The following BACE2 variants were observed in gnomAD, a reference collection of about 807,000 sequenced individuals.
The protein encoded by BACE2 is beta-secretase 2.
In BACE2, 17 loss-of-function variants were observed where a neutral mutation model predicts 46.2. That is an observed-to-expected ratio of 0.37 (90% CI 0.25 to 0.55). The LOEUF (loss-of-function observed/expected upper bound fraction) is 0.55, where lower values mean the gene tolerates loss of function less well. BACE2 is among the 20% of genes least tolerant of loss of function. BACE2 has a pLI of 0.82. For missense variants in BACE2, 595 were observed against 698.1 expected, an observed-to-expected ratio of 0.85 and a Z score of 1.66; for synonymous variants, 277 against 295.9, an observed-to-expected ratio of 0.94 and a Z score of 0.66.
chr21:41,187,958 G>T (rs190287971), intron 1 of BACE2, among the ~76,000 whole-genome samples: 3 of 152,298 alleles, frequency 2.0e-5, no homozygotes, highest in Admixed American at 2.0e-4. Flanking sequence ...TTACTACGTA[G>T]TAGTTCCTTT....
chr21:41,216,855 T>A (rs1186212097), intron 1 of BACE2, among the ~76,000 whole-genome samples: 1 of 152,178 alleles, frequency 6.6e-6, no homozygotes, highest in African/African-American at 2.4e-5. Context: ...CAGAAATGGT[T>A]GTGAAACAGC....
intron 2 of BACE2, among the ~76,000 whole-genome samples, chr21:41,232,073 C>A (rs1202253919): frequency 1.5e-4 from 23 of 151,402 alleles, no homozygotes. Context: ...ACAAGGCTAG[C>A]CACAAGTCAC....
At chr21:41,201,390 G>A (rs1026890585) in intron 1 of BACE2, among the ~76,000 whole-genome samples, 4 of 152,246 alleles carry the variant, frequency 2.6e-5, no homozygotes, top group African/African-American at 9.6e-5. Flanking sequence ...GAACCTGAAA[G>A]TTATAGCTTC....
At chr21:41,249,684 C>G (rs2123616009) in intron 6 of BACE2, among the ~76,000 whole-genome samples, 1 of 152,314 alleles carries the variant, frequency 6.6e-6, no homozygotes, top group South Asian at 2.1e-4. Flanking sequence ...GGGGAAGCTC[C>G]CTGGACAGAC....
intron 1 of BACE2, among the ~76,000 whole-genome samples, chr21:41,221,852 G>A (rs1344408911): frequency 7.1e-6 from 1 of 141,180 alleles, no homozygotes; most frequent in Non-Finnish European, 1.5e-5. Flanking sequence ...AAAAAAAAAA[G>A]TGTCAGTGTC....
In BACE2 at chr21:41,226,364, G is replaced by C; in HGVS notation, c.401+10G>C. On this transcript the variant is annotated intron_variant, in intron 2 of 8. Transcript: ENST00000330333. Reference sequence around the variant, plus strand: ...ACTTTGACACAGAGAGGTAAGCGCTGGCCCCTTGGCTGGTGTGCTGGGCCG... The same window carrying C: ...ACTTTGACACAGAGAGGTAAGCGCTCGCCCCTTGGCTGGTGTGCTGGGCCG... 1 of 1,609,654 alleles carries C rather than the reference G, an allele frequency of 6.2e-7. No individual in the cohort carries two copies. Among genetic ancestry groups the C allele is most frequent in the Non-Finnish European group, 8.5e-7 (1 of 1,178,626 alleles).
In BACE2 at chr21:41,273,921, C is replaced by T. The variant is rs145760138; in HGVS notation, c.1304-1450C>T. ...CTGCCATGGCTTTGGCCAGTCCCTCCGTTCGGGGTCCCTGACTTCCCGCAA... is the reference window on the plus strand; with the variant it reads ...CTGCCATGGCTTTGGCCAGTCCCTCTGTTCGGGGTCCCTGACTTCCCGCAA... On this transcript the variant is annotated intron_variant, in intron 8 of 8. Transcript: ENST00000330333. 9.1e-3 allele frequency among the ~76,000 whole-genome samples: 1,387 copies of T among 152,330 alleles called. 9 individuals are homozygous for T. The highest frequency in any genetic ancestry group is 0.015 in the Admixed American group (225 of 15,296).
intron 1 of BACE2, chr21:41,179,733 A>C (rs1568857162): frequency 5.4e-6 from 6 of 1,111,128 alleles, no homozygotes; most frequent in Non-Finnish European, 7.3e-6. Flanking sequence ...AAAAAGGAGA[A>C]TCAAGCTGAG....
chr21:41,172,319 A>G (rs933671596), intron 1 of BACE2, among the ~76,000 whole-genome samples: 2 of 152,218 alleles, frequency 1.3e-5, no homozygotes, highest in Non-Finnish European at 2.9e-5. Flanking sequence ...AGTCTGAGAA[A>G]TAGTTTATAA....
At chr21:41,239,192 G>A (rs1249362693) in intron 3 of BACE2, among the ~76,000 whole-genome samples, 4 of 151,922 alleles carry the variant, frequency 2.6e-5, no homozygotes, top group African/African-American at 9.7e-5. Flanking sequence ...GATGGGGGTG[G>A]GGTGGGGAGG....
chr21:41,238,787 A>T (rs1447015553), intron 3 of BACE2, among the ~76,000 whole-genome samples: 2 of 112,394 alleles, frequency 1.8e-5, no homozygotes, highest in East Asian at 2.7e-4. Flanking sequence ...GGAATATCAC[A>T]CTCTGGGGAC....
chr21:41,267,391 G>T (rs1226767304), intron 8 of BACE2, among the ~76,000 whole-genome samples: 1 of 152,156 alleles, frequency 6.6e-6, no homozygotes, highest in Non-Finnish European at 1.5e-5. Context: ...AAATAATAGA[G>T]TGTTAAAATT....
At chr21:41,195,918 C>T (rs1381418077) in intron 1 of BACE2, among the ~76,000 whole-genome samples, 1 of 152,098 alleles carries the variant, frequency 6.6e-6, no homozygotes, top group African/African-American at 2.4e-5. Flanking sequence ...AATGTTATTC[C>T]ATCATATAAT....
intron 1 of BACE2, among the ~76,000 whole-genome samples, chr21:41,214,160 A>ATC (rs1194957944): frequency 6.6e-6 from 1 of 152,314 alleles, no homozygotes; most frequent in East Asian, 1.9e-4. Flanking sequence ...GTGCAGAGAG[A>ATC]TCTGGGGAGA....
intron 1 of BACE2, among the ~76,000 whole-genome samples, chr21:41,217,023 T>C (rs1293846444): frequency 6.6e-6 from 1 of 152,152 alleles, no homozygotes; most frequent in Non-Finnish European, 1.5e-5. Context: ...CTTCTGCCTC[T>C]TGGGTTCAAG....
chr21:41,237,488 A>C (rs1376470713), intron 2 of BACE2, 25 bp from the exon 3 acceptor site: 1 of 1,477,250 alleles, frequency 6.8e-7, no homozygotes, highest in Non-Finnish European at 9.3e-7. Context: ...AATGAATACA[A>C]TATGCTTTTC....
At chr21:41,220,235 C>T (rs191824724) in intron 1 of BACE2, among the ~76,000 whole-genome samples, 5 of 152,292 alleles carry the variant, frequency 3.3e-5, no homozygotes, top group Admixed American at 2.6e-4. Context: ...CGCCACCCTC[C>T]GGGAACCTCA....
At chr21:41,224,209 ATTT>A (rs10658440) in intron 1 of BACE2, among the ~76,000 whole-genome samples, 4 of 98,888 alleles carry the variant, frequency 4.0e-5, no homozygotes, top group Non-Finnish European at 3.8e-5. Flanking sequence ...GCCTATTTTG[ATTT>A]TTTTTTTTTT....
chr21:41,186,689 T>G (rs1394062473), intron 1 of BACE2: 1 of 152,228 alleles, frequency 6.6e-6, no homozygotes, highest in African/African-American at 2.4e-5. Flanking sequence ...GCTGGTGGTG[T>G]TAGGCAGCAG....
Sources: allele counts gnomAD v4.1 joint callset (sites outside exome capture counted in the v4.1 genomes callset), GRCh38; gene constraint gnomAD v4.1.1; transcripts MANE v1.5; gene names NCBI Gene and HGNC (gene_info 2026-07-23, HGNC 2026-07-21).